Variants in SAFB2 observed in about 807,000 individuals in gnomAD.
SAFB2 encodes scaffold attachment factor B2.
Under a neutral mutation model 100.6 loss-of-function variants are expected in SAFB2, and 32 were observed. That is an observed-to-expected ratio of 0.32 (90% CI 0.24 to 0.43). The LOEUF is 0.43. Ranked by LOEUF, SAFB2 falls within the 20% of genes least tolerant of loss-of-function variation. The probability of loss-of-function intolerance (pLI) is 1.00; values close to 1 mark genes in which losing one functional copy is unlikely to be tolerated. For synonymous variants in SAFB2, 500 were observed against 439.4 expected (o/e 1.14, Z -1.72); for missense variants, 1,185 against 1,163.4 (o/e 1.02, Z -0.27).
intron 9 of SAFB2, among the ~76,000 whole-genome samples, chr19:5,607,803 G>C (rs1390929627): frequency 6.6e-6 from 1 of 152,220 alleles, no homozygotes; most frequent in Non-Finnish European, 1.5e-5. Context: ...ACTGTGAAAT[G>C]ACAAGGTGGA....
intron 1 of SAFB2, among the ~76,000 whole-genome samples, chr19:5,621,932 C>T (rs1189810789): frequency 1.3e-5 from 2 of 152,258 alleles, no homozygotes; most frequent in African/African-American, 2.4e-5. Flanking sequence ...TTGCATTTAG[C>T]CCCTGCTTTC....
At position 5,587,130 on chromosome 19, in the gene SAFB2, A is replaced by G; in HGVS notation, c.*113T>C. The G allele has an allele frequency of 7.0e-7, 1 of 1,427,216 alleles. No homozygotes were observed. The highest frequency in any genetic ancestry group is 9.6e-7 in the Non-Finnish European group (1 of 1,042,908). The allele number at this position is 1,427,216 out of a possible 1,614,324, so 88.4% of individuals were successfully genotyped here. A position where few individuals can be genotyped will look rare whatever the true frequency, so the allele number is the denominator to read the frequency against. On this transcript the variant is annotated 3_prime_UTR_variant, in exon 21 of 21. Coordinates refer to ENST00000252542, the MANE Select transcript of SAFB2 (RefSeq NM_014649.3). This position sits in a 1 kb window ranked among gnomAD's most constrained non-coding sequence, Gnocchi z 4.9. Reference sequence around the variant, plus strand: ...TGAGTTCACATTGTATTGAGCTACAACATGGTGGCAGGATTTACTTTGCTT... The same window carrying G: ...TGAGTTCACATTGTATTGAGCTACAGCATGGTGGCAGGATTTACTTTGCTT...
At chr19:5,614,976 C>T (rs752798727) in intron 4 of SAFB2, among the ~76,000 whole-genome samples, 12 of 151,942 alleles carry the variant, frequency 7.9e-5, no homozygotes, top group East Asian at 5.8e-4. Flanking sequence ...TTTGGGAGGC[C>T]GAGGCAGGCA....
chr19:5,610,525 CGGT>C, intron 8 of SAFB2, 111 bp downstream of exon 8: 1 of 774,504 alleles, frequency 1.3e-6, no homozygotes. Context: ...TGGTTGATTC[CGGT>C]AACCCATAAC....
In SAFB2 at chr19:5,622,550, G is replaced by C; in HGVS notation, c.166C>G (p.Leu56Val). ...NLDTGGNKSV[L>V]MERLKKAVKE... Reference sequence around the variant, plus strand: ...CTCACCTTCTTGAGCCGCTCCATCAGGACGCTCTTGTTGCCGCCCGTGTCC... The same window carrying C: ...CTCACCTTCTTGAGCCGCTCCATCACGACGCTCTTGTTGCCGCCCGTGTCC... Residue 56 changes from leucine to valine, a missense_variant, in exon 1 of 21, where the codon CTG becomes GTG. By Grantham distance (32) the Leu-to-Val change is conservative (BLOSUM62 1). This residue lies in a region of SAFB2 where 351 missense variants were observed against 341.2 expected (regional missense o/e 1.03). Coordinates refer to ENST00000252542, the MANE Select transcript of SAFB2 (RefSeq NM_014649.3). The C allele has an allele frequency of 6.2e-7, 1 of 1,612,090 alleles. No homozygotes were observed. Among genetic ancestry groups the C allele is most frequent in the Non-Finnish European group, 8.5e-7 (1 of 1,179,164 alleles).
At position 5,613,537 on chromosome 19, in the gene SAFB2, A is replaced by G; in HGVS notation, c.544-10T>C. ...ATCCTTCCCCATCCACCTGAAAAACAAAATGGAAGATGACTTCGTGGAGGC... is the reference window on the plus strand; with the variant it reads ...ATCCTTCCCCATCCACCTGAAAAACGAAATGGAAGATGACTTCGTGGAGGC... On this transcript the variant is annotated splice_polypyrimidine_tract_variant and intron_variant, in intron 4 of 20. Coordinates refer to ENST00000252542, the MANE Select transcript of SAFB2 (RefSeq NM_014649.3). 2 of 1,613,376 alleles carry G rather than the reference A, an allele frequency of 1.2e-6. No individual in the cohort carries two copies. Among genetic ancestry groups the G allele is most frequent in the Non-Finnish European group, 1.7e-6 (2 of 1,179,572 alleles).
At chr19:5,597,609 T>C (rs2052560072) in intron 13 of SAFB2, among the ~76,000 whole-genome samples, 1 of 152,132 alleles carries the variant, frequency 6.6e-6, no homozygotes, top group Admixed American at 6.5e-5. Flanking sequence ...GGAGCCCAAC[T>C]GGACACACGG....
chr19:5,602,500 A>AT (rs1426822200), intron 11 of SAFB2, among the ~76,000 whole-genome samples: 3 of 151,022 alleles, frequency 2.0e-5, no homozygotes, highest in African/African-American at 7.3e-5. Flanking sequence ...AAAAAAAAAA[A>AT]AAAAAATCTT....
At chr19:5,613,325 T>A (rs1385597093) in intron 5 of SAFB2, 140 bp downstream of exon 5, 1 of 738,022 alleles carries the variant, frequency 1.4e-6, no homozygotes, top group Non-Finnish European at 2.2e-6. Flanking sequence ...CTGAGACTGT[T>A]TCTCTTCTGC....
rs553282409 is a variant in SAFB2 at position 5,587,643 on chromosome 19, G to A, written c.2705+58C>T. The A allele has an allele frequency of 6.7e-7, 1 of 1,493,150 alleles. No homozygotes were observed. The highest frequency in any genetic ancestry group is 1.3e-5 in the South Asian group (1 of 78,010). The allele number at this position is 1,493,150 out of a possible 1,614,324, so 92.5% of individuals were successfully genotyped here. ...GCCAGCTGATCAAACATGCAAAAAAGGGAGAGGAAGTGAGGAGCAGGAGTG... is the reference window on the plus strand; with the variant it reads ...GCCAGCTGATCAAACATGCAAAAAAAGGAGAGGAAGTGAGGAGCAGGAGTG... On this transcript the variant is annotated intron_variant, in intron 20 of 20. Coordinates refer to ENST00000252542, the MANE Select transcript of SAFB2 (RefSeq NM_014649.3). The surrounding 1 kb of genome is among the most constrained non-coding windows in gnomAD (Gnocchi z 4.9).
At chr19:5,605,785 A>G (rs912819533) in intron 9 of SAFB2, among the ~76,000 whole-genome samples, 4 of 152,256 alleles carry the variant, frequency 2.6e-5, no homozygotes, top group African/African-American at 4.8e-5. Flanking sequence ...GCCCAAGACA[A>G]CAATCCCTGA....
chr19:5,598,605 G>A (rs2052584142), intron 13 of SAFB2, 188 bp downstream of exon 13: 2 of 601,062 alleles, frequency 3.3e-6, no homozygotes, highest in South Asian at 1.9e-5. Flanking sequence ...AAACACGGAT[G>A]GGCACTGCTC....
At chr19:5,610,125 ACC>A in intron 8 of SAFB2, 30 bp from the exon 9 acceptor site, 1 of 1,570,242 alleles carries the variant, frequency 6.4e-7, no homozygotes, top group Non-Finnish European at 8.8e-7. Flanking sequence ...CTTAGGCATC[ACC>A]CCAAGGCCTA....
intron 13 of SAFB2, among the ~76,000 whole-genome samples, chr19:5,597,676 C>G (rs909021252): frequency 6.6e-6 from 1 of 152,142 alleles, no homozygotes; most frequent in Non-Finnish European, 1.5e-5. Flanking sequence ...TCTAATCATG[C>G]ATGTGTCATC....
At chr19:5,622,458 G>A (rs1325598674) in intron 1 of SAFB2, 72 bp downstream of exon 1, 5 of 1,406,618 alleles carry the variant, frequency 3.6e-6, no homozygotes, top group Admixed American at 3.0e-5. Context: ...GGGTCCGGGA[G>A]CCGCGGTGAC....
chr19:5,602,152 A>T (rs1251689580), intron 11 of SAFB2, among the ~76,000 whole-genome samples: 1 of 152,132 alleles, frequency 6.6e-6, no homozygotes, highest in Non-Finnish European at 1.5e-5. Context: ...TCAACCTCCT[A>T]GGCAAACAAC....
In SAFB2 at chr19:5,601,265, G is replaced by A. The variant is rs569433264; in HGVS notation, c.1560-1005C>T. 9.2e-5 allele frequency among the ~76,000 whole-genome samples: 14 copies of A among 152,222 alleles called. No homozygotes were observed. In the South Asian group the frequency reaches 2.3e-3, roughly 25 times the overall value. On this transcript the variant is annotated intron_variant, in intron 11 of 20. Transcript: ENST00000252542. ...CTCATCTCCTCTCCCTCATCCCTGCGACAACCACCAGGGTGGCCTTAGTGT... is the reference window on the plus strand; with the variant it reads ...CTCATCTCCTCTCCCTCATCCCTGCAACAACCACCAGGGTGGCCTTAGTGT...
At chr19:5,613,279 T>C (rs1195244521) in intron 5 of SAFB2, among the ~76,000 whole-genome samples, 186 bp downstream of exon 5, 3 of 152,190 alleles carry the variant, frequency 2.0e-5, no homozygotes, top group Non-Finnish European at 4.4e-5. Flanking sequence ...GTTACATATT[T>C]GGTTTGATCC....
At chr19:5,616,633 A>AT in intron 2 of SAFB2, 147 bp from the exon 3 acceptor site, 1 of 581,504 alleles carries the variant, frequency 1.7e-6, no homozygotes, top group Non-Finnish European at 2.9e-6. Context: ...ATTTTGTCTC[A>AT]ATTTGTTTTC....
Sources: allele counts gnomAD v4.1 joint callset (sites outside exome capture counted in the v4.1 genomes callset), GRCh38; gene constraint gnomAD v4.1.1; regional missense constraint gnomAD v4.1.1; non-coding constraint Gnocchi (gnomAD v3.1); transcripts MANE v1.5; gene names NCBI Gene and HGNC (gene_info 2026-07-23, HGNC 2026-07-21).